Variants in IL16 observed in about 807,000 individuals in gnomAD.
IL16 encodes pro-interleukin-16.
IL16 carries 67 observed loss-of-function variants against 110.1 expected under a neutral mutation model. The observed-to-expected ratio is 0.61, with a 90% CI of 0.50 to 0.75. The LOEUF is 0.75. Among genes scored for constraint, IL16 ranks in the 30% least tolerant of loss-of-function variants. The pLI, the probability that IL16 is intolerant of heterozygous loss-of-function variation, is 0.00. For synonymous variants in IL16, 689 were observed against 662.9 expected, an observed-to-expected ratio of 1.04 and a Z score of -0.61; for missense variants, 1,545 against 1,655.0, an observed-to-expected ratio of 0.93 and a Z score of 1.15.
intron 3 of IL16, among the ~76,000 whole-genome samples, chr15:81,264,004 CAGGT>C (rs2142207661): frequency 6.6e-6 from 1 of 152,320 alleles, no homozygotes; most frequent in South Asian, 2.1e-4. Context: ...GACAAACATA[CAGGT>C]TTCCCCAGAC....
chr15:81,248,707 T>C (rs1270135138), intron 2 of IL16, among the ~76,000 whole-genome samples: 4 of 130,512 alleles, frequency 3.1e-5, no homozygotes, highest in African/African-American at 9.6e-5. Flanking sequence ...CTGTGATTTT[T>C]TTTCTTTCTT....
intron 2 of IL16, among the ~76,000 whole-genome samples, chr15:81,243,287 C>T (rs759126939): frequency 3.4e-4 from 50 of 146,556 alleles, no homozygotes; most frequent in African/African-American, 1.1e-3. Context: ...GAAATCCTCC[C>T]ACCTCAGCCT....
intron 8 of IL16, among the ~76,000 whole-genome samples, chr15:81,280,786 T>C (rs776021099): frequency 6.6e-6 from 1 of 152,194 alleles, no homozygotes; most frequent in Non-Finnish European, 1.5e-5. Context: ...CCTGGCACAA[T>C]GCTTGGCATA....
chr15:81,234,802 A>G (rs1218561836), intron 2 of IL16, among the ~76,000 whole-genome samples: 1 of 152,248 alleles, frequency 6.6e-6, no homozygotes, highest in Non-Finnish European at 1.5e-5. Context: ...TAAGTGTCTA[A>G]AAAGTTATAA....
At chr15:81,296,780 A>G in intron 12 of IL16, 148 bp from the exon 13 acceptor site, 1 of 700,136 alleles carries the variant, frequency 1.4e-6, no homozygotes, top group Non-Finnish European at 2.4e-6. Context: ...CACCAAGGAG[A>G]AAAGAATCCT....
intron 2 of IL16, among the ~76,000 whole-genome samples, chr15:81,238,701 T>C (rs1025759178): frequency 2.6e-4 from 39 of 152,256 alleles, no homozygotes; most frequent in African/African-American, 8.9e-4. Context: ...TTATTTATAT[T>C]TTTACTCATT....
intron 12 of IL16, among the ~76,000 whole-genome samples, chr15:81,293,326 A>G (rs1465420175): frequency 6.6e-6 from 1 of 152,236 alleles, no homozygotes; most frequent in East Asian, 1.9e-4. Flanking sequence ...CCATGAAGGA[A>G]AAATACCAGG....
chr15:81,273,785 C>T (rs539566761), intron 6 of IL16, among the ~76,000 whole-genome samples: 2 of 152,204 alleles, frequency 1.3e-5, no homozygotes, highest in African/African-American at 2.4e-5. Context: ...CTCTTCCACT[C>T]CCCACCCACC....
intron 1 of IL16, among the ~76,000 whole-genome samples, chr15:81,184,664 C>T (rs932893911): frequency 6.6e-6 from 1 of 152,230 alleles, no homozygotes; most frequent in African/African-American, 2.4e-5. Flanking sequence ...CCATCAACTA[C>T]TCAATACATT....
chr15:81,203,887 CAT>C (rs1895913464), intron 1 of IL16, among the ~76,000 whole-genome samples: 1 of 152,152 alleles, frequency 6.6e-6, no homozygotes, highest in South Asian at 2.1e-4. Flanking sequence ...ATGGGGATGA[CAT>C]TGAATCTATA....
chr15:81,217,897 A>T (rs1166052281), intron 1 of IL16, among the ~76,000 whole-genome samples: 2 of 152,196 alleles, frequency 1.3e-5, no homozygotes. Context: ...TAAAAAAATT[A>T]TGTCTCAATA....
In IL16 at chr15:81,187,424, C is replaced by A. The variant is rs1206470905; in HGVS notation, c.40+4528C>A. Reference sequence around the variant, plus strand: ...CCAGTCTGTGCAACATAGCAAGACCCCATCTCTAAAAAAATTAAAAATTTG... The same window carrying A: ...CCAGTCTGTGCAACATAGCAAGACCACATCTCTAAAAAAATTAAAAATTTG... On this transcript the variant is annotated intron_variant, in intron 1 of 18. Coordinates refer to the IL16 transcript ENST00000302987. Among the ~76,000 whole-genome samples the A allele has an allele frequency of 2.0e-5, 3 of 152,204 alleles. No homozygotes were observed. In the South Asian group the frequency reaches 6.2e-4, roughly 32 times the overall value.
intron 2 of IL16, among the ~76,000 whole-genome samples, chr15:81,238,182 G>A (rs530308773): frequency 4.5e-4 from 68 of 152,224 alleles, no homozygotes; most frequent in African/African-American, 1.4e-3. Context: ...GATTACAGGC[G>A]TGAGCCACTG....
intron 1 of IL16, among the ~76,000 whole-genome samples, chr15:81,222,379 T>A: frequency 6.6e-6 from 1 of 150,742 alleles, no homozygotes; most frequent in Non-Finnish European, 1.5e-5. Flanking sequence ...GGAGGGTTTT[T>A]TTTTTTTTTT....
Position 81,300,219 on chromosome 15 carries a change from C to G in IL16, c.2893C>G (p.Arg965Gly), listed in dbSNP as rs144608313. ...PVLKMPSQRA[R>G]SFPLTRSQSC... ...GCTCAAGATGCCTAGCCAGCGAGCA[C>G]GGAGCTTCCCCCTGACCAGGTCCCA... Residue 965 changes from arginine (R) to glycine (G), a missense_variant, in exon 14 of 19, where the codon CGG (arginine) becomes GGG (glycine). Physicochemically the swap from Arg to Gly is moderately radical, Grantham distance 125. This residue lies in a region of IL16 where 1,185 missense variants were observed against 1,238.8 expected (regional missense o/e 0.96). Coordinates refer to ENST00000683961, the MANE Select transcript of IL16 (RefSeq NM_172217.5). 1.9e-6 allele frequency: 3 copies of G among 1,614,234 alleles called. No homozygotes were observed. Among genetic ancestry groups the G allele is most frequent in the African/African-American group, 1.3e-5 (1 of 75,058 alleles).
intron 1 of IL16, among the ~76,000 whole-genome samples, chr15:81,204,732 TATA>T: frequency 6.9e-6 from 1 of 144,332 alleles, no homozygotes; most frequent in African/African-American, 2.7e-5. Context: ...AAACTTAAAG[TATA>T]ATAATAACAA....
chr15:81,298,257 A>G (rs990736344), intron 13 of IL16, among the ~76,000 whole-genome samples: 6 of 152,222 alleles, frequency 3.9e-5, no homozygotes, highest in African/African-American at 7.2e-5. Context: ...GTAATGCTCC[A>G]TGATTCACTT....
At chr15:81,296,809 G>T in intron 12 of IL16, 119 bp from the exon 13 acceptor site, 2 of 881,596 alleles carry the variant, frequency 2.3e-6, no homozygotes, top group East Asian at 5.3e-5. Context: ...GGCTGCTGAT[G>T]AACTTCTCAC....
chr15:81,225,422 G>C lies in IL16; in HGVS notation c.23G>C (p.Gly8Ala), dbSNP rs756134523. The change falls in exon 2 of 19, where the codon GGA (glycine) becomes GCA (alanine). Residue 8 changes from glycine (G) to alanine (A), a missense_variant. Around this residue, in one of 3 missense-constraint regions of IL16, gnomAD observed 1,185 missense variants for 1,238.8 expected, o/e 0.96. Transcript: ENST00000683961. MESHSRA[G>A]KSRKSAKFRS... ...AGGATGGAGTCGCACAGCCGCGCTG[G>C]AAAGAGCAGAAAATCTGCAAAATTT... is the stretch of plus-strand genomic sequence containing the variant. 3.7e-6 allele frequency: 6 copies of C among 1,613,968 alleles called. No homozygotes were observed. The highest frequency in any genetic ancestry group is 1.3e-5 in the African/African-American group (1 of 74,926).
Sources: allele counts gnomAD v4.1 joint callset (sites outside exome capture counted in the v4.1 genomes callset), GRCh38; gene constraint gnomAD v4.1.1; regional missense constraint gnomAD v4.1.1; transcripts MANE v1.5; gene names NCBI Gene and HGNC (gene_info 2026-07-23, HGNC 2026-07-21).